Variants in BRPF3 observed in about 807,000 individuals in gnomAD.
BRPF3 encodes the protein bromodomain and PHD finger containing 3.
BRPF3 carries 18 observed loss-of-function variants against 102.0 expected under a neutral mutation model. The ratio of observed to expected loss-of-function variants is 0.18; its 90% CI spans 0.12 to 0.26. The LOEUF (loss-of-function observed/expected upper bound fraction) is 0.26, where lower values mean the gene tolerates loss of function less well. Among genes scored for constraint, BRPF3 ranks in the 10% least tolerant of loss-of-function variants. BRPF3 has a pLI of 1.00. For missense variants in BRPF3, 1,147 were observed against 1,567.8 expected, an observed-to-expected ratio of 0.73 and a Z score of 4.53; for synonymous variants, 570 against 614.2, an observed-to-expected ratio of 0.93 and a Z score of 1.06.
At chr6:36,219,088 AC>A (rs1338492165) in intron 9 of BRPF3, among the ~76,000 whole-genome samples, 1 of 152,184 alleles carries the variant, frequency 6.6e-6, no homozygotes, top group Non-Finnish European at 1.5e-5. Context: ...CCAGGGCAGC[AC>A]CAGAAGACTA....
At chr6:36,203,823 G>C (rs1186085167) in intron 2 of BRPF3, among the ~76,000 whole-genome samples, 1 of 152,300 alleles carries the variant, frequency 6.6e-6, no homozygotes, top group Non-Finnish European at 1.5e-5. Flanking sequence ...ATCCAACCTG[G>C]ATCCACCATC....
chr6:36,204,992 T>G (rs1462270474), intron 3 of BRPF3, among the ~76,000 whole-genome samples, 178 bp downstream of exon 3: 5 of 152,168 alleles, frequency 3.3e-5, no homozygotes, highest in African/African-American at 1.2e-4. Flanking sequence ...AAGCAGCTCC[T>G]TCTGGATGGA....
intron 1 of BRPF3, chr6:36,197,302 C>T (rs1469073870): frequency 6.6e-6 from 1 of 152,266 alleles, no homozygotes; most frequent in Admixed American, 6.5e-5. Context: ...CCTAGGTCCC[C>T]TGGGTCCCTC....
rs190996624 is a variant in BRPF3 at position 36,225,478 on chromosome 6, G to T, written c.3279+114G>T. 1,135 of 942,314 alleles carry T rather than the reference G, an allele frequency of 1.2e-3. 8 individuals are homozygous for T. In the African/African-American group the frequency reaches 0.017, roughly 14 times the overall value. 58.4% of individuals were successfully genotyped at this position (942,314 alleles called of 1,614,324 possible). ...GAGTCAGAGTGTCTTTAGCTGTAGAGGGGAGGGGGGTTTTGCCCCAGCCTG... is the reference window on the plus strand; with the variant it reads ...GAGTCAGAGTGTCTTTAGCTGTAGATGGGAGGGGGGTTTTGCCCCAGCCTG... On this transcript the variant is annotated intron_variant, in intron 11 of 12. Coordinates refer to ENST00000357641, the MANE Select transcript of BRPF3 (RefSeq NM_015695.3).
intron 3 of BRPF3, 135 bp from the exon 4 acceptor site, chr6:36,207,178 G>A (rs1016865164): frequency 2.6e-5 from 28 of 1,090,802 alleles, no homozygotes; most frequent in Non-Finnish European, 2.4e-5. Flanking sequence ...GGTAGAGAGG[G>A]GTGGAAGGGC....
Position 36,228,987 on chromosome 6 carries a change from GA to G in BRPF3, c.3366del (p.Glu1123SerfsTer65). ...CCCCCGCTGGACGTGCTGAAGCTGG[GA>G]GAGCAGAAACAGGCAGAGGCTGGAG... ...PVPPLDVLKL[G>X]EQKQAEAGEK... On this transcript the variant is annotated frameshift_variant, in exon 12 of 13. Transcript: ENST00000357641. LOFTEE classifies it high-confidence loss of function. 6.2e-7 allele frequency: 1 copy of G among 1,614,236 alleles called. No homozygotes were observed. Among genetic ancestry groups the G allele is most frequent in the Non-Finnish European group, 8.5e-7 (1 of 1,180,042 alleles).
chr6:36,214,159 G>C lies in BRPF3; in HGVS notation c.2762G>C (p.Ser921Thr). The stretch of plus-strand genomic sequence containing the variant: ...GACACCCCGGCCGGTACCCCACTTA[G>C]TGGTGTGGGTCGCCGCACATCAGTC... ...APDTPAGTPL[S>T]GVGRRTSVLF... The change falls in exon 8 of 13, where the codon AGT becomes ACT. Residue 921 changes from serine (S) to threonine (T), a missense_variant. Physicochemically the swap from Ser to Thr is moderately conservative, Grantham distance 58. Transcript: ENST00000357641. 1 of 1,614,214 alleles carries C rather than the reference G, an allele frequency of 6.2e-7. No homozygotes were observed. Among genetic ancestry groups the C allele is most frequent in the Non-Finnish European group, 8.5e-7 (1 of 1,180,046 alleles).
intron 7 of BRPF3, among the ~76,000 whole-genome samples, chr6:36,213,285 A>G (rs1301365575): frequency 6.6e-6 from 1 of 152,232 alleles, no homozygotes; most frequent in Admixed American, 6.5e-5. Flanking sequence ...CCCTATCTTT[A>G]CAAATTTGGT....
At chr6:36,211,692 G>A in intron 7 of BRPF3, 132 bp downstream of exon 7, 1 of 1,032,846 alleles carries the variant, frequency 9.7e-7, no homozygotes, top group Non-Finnish European at 1.4e-6. Context: ...GTGCTTGGAA[G>A]GGCCACACTT....
chr6:36,211,100 A>G (rs1207410575), intron 6 of BRPF3, 158 bp from the exon 7 acceptor site: 2 of 780,818 alleles, frequency 2.6e-6, no homozygotes, highest in African/African-American at 1.7e-5. Context: ...CCTTCTGGGC[A>G]GTGGTGTTGC....
At chr6:36,216,513 A>G (rs1768334446) in intron 8 of BRPF3, among the ~76,000 whole-genome samples, 1 of 152,190 alleles carries the variant, frequency 6.6e-6, no homozygotes, top group Admixed American at 6.5e-5. Context: ...TAAGTGAGGC[A>G]CCCAAGACAC....
chr6:36,204,784 C>G lies in BRPF3; in HGVS notation c.1575C>G (p.Ser525=), dbSNP rs761867097. The G allele has an allele frequency of 1.9e-6, 3 of 1,614,096 alleles. No individual in the cohort carries two copies. The highest frequency in any genetic ancestry group is 1.1e-5 in the South Asian group (1 of 91,088). The change falls in exon 3 of 13, where the codon TCC becomes TCG. Residue 525 remains serine (S), a synonymous_variant. Transcript: ENST00000357641. ...NGVPLIRRLH[S]HLQSQRNAEQ... ...TCCCTCTTATCCGGCGCTTGCACTC[C>G]CATCTGCAGTCCCAAAGAAACGCTG...
chr6:36,219,638 T>C (rs1768462985), intron 9 of BRPF3, among the ~76,000 whole-genome samples: 1 of 152,304 alleles, frequency 6.6e-6, no homozygotes, highest in Middle Eastern at 3.4e-3. Context: ...AGAACTCCAG[T>C]GCAATGCCCT....
At position 36,204,671 on chromosome 6, in the gene BRPF3, T is replaced by G. The variant is rs1409692048; in HGVS notation, c.1462T>G (p.Cys488Gly). 6.2e-7 allele frequency: 1 copy of G among 1,614,220 alleles called. No individual in the cohort carries two copies. The highest frequency in any genetic ancestry group is 8.5e-7 in the Non-Finnish European group (1 of 1,180,038). The change falls in exon 3 of 13, where the codon TGT (cysteine) becomes GGT (glycine). Residue 488 changes from cysteine to glycine, a missense_variant. This residue lies in a region of BRPF3 where 157 missense variants were observed against 163.6 expected (regional missense o/e 0.96). Coordinates refer to ENST00000357641, the MANE Select transcript of BRPF3 (RefSeq NM_015695.3). ...QIPSYRLNKI[C>G]SGLSFQRKNQ... ...CCTCTACTCAAGGTTGAACAAGATC[T>G]GTAGTGGTCTCTCCTTTCAGAGGAA...
At chr6:36,213,544 A>G (rs1768207893) in intron 7 of BRPF3, among the ~76,000 whole-genome samples, 1 of 151,898 alleles carries the variant, frequency 6.6e-6, no homozygotes, top group Non-Finnish European at 1.5e-5. Flanking sequence ...AATTTTTTTG[A>G]AAAATTAGCC....
At chr6:36,203,304 G>A (rs1767784364) in intron 2 of BRPF3, among the ~76,000 whole-genome samples, 1 of 152,228 alleles carries the variant, frequency 6.6e-6, no homozygotes, top group South Asian at 2.1e-4. Flanking sequence ...ACCACATAGA[G>A]TTGTTGTGAG....
Position 36,230,398 on chromosome 6 carries a change from C to T in BRPF3, c.3435-28C>T. 1 of 1,610,554 alleles carries T rather than the reference C, an allele frequency of 6.2e-7. No individual in the cohort carries two copies. The highest frequency in any genetic ancestry group is 8.5e-7 in the Non-Finnish European group (1 of 1,177,806). ...AGCCCCCTGTGAGACCCACTACTGC[C>T]CAGCCTCTTACTGTGCTTGCATTTC... On this transcript the variant is annotated intron_variant, in intron 12 of 12. Coordinates refer to ENST00000357641, the MANE Select transcript of BRPF3 (RefSeq NM_015695.3). This position sits in a 1 kb window ranked among gnomAD's most constrained non-coding sequence, Gnocchi z 5.4.
At chr6:36,217,283 G>T (rs1768362311) in intron 8 of BRPF3, among the ~76,000 whole-genome samples, 1 of 152,180 alleles carries the variant, frequency 6.6e-6, no homozygotes, top group Non-Finnish European at 1.5e-5. Flanking sequence ...TAGAACCCCA[G>T]GTTCTGACTC....
rs547108095 is a variant in BRPF3 at position 36,218,461 on chromosome 6, CT to C, written c.3083+468del. Among the ~76,000 whole-genome samples, 410 of 134,406 alleles carry C rather than the reference CT, an allele frequency of 3.1e-3. 1 individual carries two copies. The highest frequency in any genetic ancestry group is 3.8e-3 in the Middle Eastern group (1 of 264). The allele number at this position is 134,406 out of a possible 152,430, so 88.2% of individuals were successfully genotyped here. A position where few individuals can be genotyped will look rare whatever the true frequency, so the allele number is the denominator to read the frequency against. On this transcript the variant is annotated intron_variant, in intron 9 of 12. Transcript: ENST00000357641. ...GACCAAGTAGGAAATTTGGAATTGC[CT>C]TTTTTTTTTTTTTTTTGAGACGGAG...
Sources: allele counts gnomAD v4.1 joint callset (sites outside exome capture counted in the v4.1 genomes callset), GRCh38; gene constraint gnomAD v4.1.1; regional missense constraint gnomAD v4.1.1; non-coding constraint Gnocchi (gnomAD v3.1); transcripts MANE v1.5; gene names NCBI Gene and HGNC (gene_info 2026-07-23, HGNC 2026-07-21).